The following VPS13B variants were observed in gnomAD, a reference collection of about 807,000 sequenced individuals.
VPS13B encodes the protein vacuolar protein sorting 13 homolog B.
VPS13B carries 285 observed loss-of-function variants against 426.4 expected under a neutral mutation model. The observed-to-expected ratio is 0.67, with a 90% CI of 0.61 to 0.74. The LOEUF is 0.74. Among genes scored for constraint, VPS13B ranks in the 30% least tolerant of loss-of-function variants. The pLI is 0.00. For missense variants in VPS13B, 4,537 were observed against 4,782.6 expected (o/e 0.95, Z 1.51); for synonymous variants, 1,676 against 1,676.4 (o/e 1.00, Z 0.01).
Position 99,876,365 on chromosome 8 carries a change from TGA to T in VPS13B, c.*700_*701del, listed in dbSNP as rs1286265405. On this transcript the variant is annotated 3_prime_UTR_variant, in exon 62 of 62. Coordinates refer to ENST00000357162, the MANE Select transcript of VPS13B (RefSeq NM_152564.5). ...CATTTTACTAAAATTTACAACAGTC[TGA>T]TGATTGATTGATTACTGTCCAGGTA... 6.1e-4 allele frequency: 59 copies of T among 96,506 alleles called. No homozygotes were observed. Among genetic ancestry groups the T allele is most frequent in the African/African-American group, 3.8e-3 (58 of 15,398 alleles). 6.0% of individuals were successfully genotyped at this position (96,506 alleles called of 1,614,324 possible).
Position 99,848,818 on chromosome 8 carries a change from G to C in VPS13B, c.9985G>C (p.Val3329Leu). The C allele has an allele frequency of 6.2e-7, 1 of 1,614,130 alleles. No individual in the cohort carries two copies. Among genetic ancestry groups the C allele is most frequent in the Non-Finnish European group, 8.5e-7 (1 of 1,180,006 alleles). ...TGFGYVYVDV[V>L]HQCGTVFITV... ...CTTTGGCTATGTGTATGTGGATGTT[G>C]TACATCAGTGTGGCACAGTCTTCAT... Residue 3329 changes from valine (V) to leucine (L), a missense_variant, in exon 55 of 62, where the codon GTA (valine) becomes CTA (leucine). By Grantham distance (32) the Val-to-Leu change is conservative. Transcript: ENST00000357162.
At chr8:99,384,899 G>A (rs529799164) in intron 20 of VPS13B, among the ~76,000 whole-genome samples, 1 of 152,244 alleles carries the variant, frequency 6.6e-6, no homozygotes, top group East Asian at 1.9e-4. Flanking sequence ...GGCTGGTCTT[G>A]AACTCCTGAC....
intron 17 of VPS13B, among the ~76,000 whole-genome samples, chr8:99,221,660 A>G (rs923930731): frequency 6.6e-6 from 1 of 152,136 alleles, no homozygotes; most frequent in Admixed American, 6.5e-5. Flanking sequence ...AACTTCTTTG[A>G]AATTTTTTTT....
At chr8:99,858,305 C>T (rs960792922) in intron 56 of VPS13B, among the ~76,000 whole-genome samples, 1 of 152,232 alleles carries the variant, frequency 6.6e-6, no homozygotes, top group African/African-American at 2.4e-5. Flanking sequence ...AAGGGCAGTG[C>T]CTGCCAGACT....
At chr8:99,670,247 T>C (rs1007491103) in intron 35 of VPS13B, among the ~76,000 whole-genome samples, 5 of 114,702 alleles carry the variant, frequency 4.4e-5, no homozygotes, top group African/African-American at 8.7e-5. Context: ...TTTTCTGGAG[T>C]AGAAAATGAG....
At chr8:99,450,823 A>C (rs922774314) in intron 23 of VPS13B, among the ~76,000 whole-genome samples, 1 of 152,104 alleles carries the variant, frequency 6.6e-6, no homozygotes, top group African/African-American at 2.4e-5. Flanking sequence ...TGGGATTCCA[A>C]ATTTCTATTA....
At chr8:99,858,947 C>T (rs1356074779) in intron 56 of VPS13B, among the ~76,000 whole-genome samples, 1 of 152,132 alleles carries the variant, frequency 6.6e-6, no homozygotes, top group East Asian at 1.9e-4. Flanking sequence ...TTAGAGAGAA[C>T]CTCCCACCTG....
chr8:99,806,287 C>A (rs1391135861), intron 43 of VPS13B, among the ~76,000 whole-genome samples: 1 of 152,194 alleles, frequency 6.6e-6, no homozygotes, highest in Admixed American at 6.5e-5. Context: ...GATGGTTAAC[C>A]TTGTCCCGAG....
At chr8:99,221,484 AT>A (rs1230464328) in intron 17 of VPS13B, among the ~76,000 whole-genome samples, 1 of 152,186 alleles carries the variant, frequency 6.6e-6, no homozygotes, top group Non-Finnish European at 1.5e-5. Context: ...AGAAATGTTA[AT>A]TTTTTTAAAA....
chr8:99,668,008 C>T (rs1386761336), intron 35 of VPS13B, among the ~76,000 whole-genome samples: 2 of 152,128 alleles, frequency 1.3e-5, no homozygotes, highest in Non-Finnish European at 2.9e-5. Context: ...AAAAGCACTA[C>T]AAGTAATACT....
At chr8:99,552,572 A>G (rs1588488163) in intron 30 of VPS13B, among the ~76,000 whole-genome samples, 1 of 146,388 alleles carries the variant, frequency 6.8e-6, no homozygotes, top group African/African-American at 2.5e-5. Context: ...GTTGGTTTTT[A>G]TTTTGTTTTT....
chr8:99,646,454 A>G (rs1829580209), intron 34 of VPS13B, among the ~76,000 whole-genome samples: 1 of 152,132 alleles, frequency 6.6e-6, no homozygotes, highest in Non-Finnish European at 1.5e-5. Flanking sequence ...GAGCCTGGGA[A>G]GTCAAGGCTG....
chr8:99,455,137 A>G (rs1818387237), intron 23 of VPS13B, among the ~76,000 whole-genome samples: 1 of 152,050 alleles, frequency 6.6e-6, no homozygotes, highest in Admixed American at 6.6e-5. Flanking sequence ...TTCTTTCTTT[A>G]ATGGATCAAG....
At chr8:99,750,787 G>A (rs1475801162) in intron 39 of VPS13B, among the ~76,000 whole-genome samples, 1 of 152,168 alleles carries the variant, frequency 6.6e-6, no homozygotes, top group African/African-American at 2.4e-5. Context: ...TACATGGGGT[G>A]TTTTGGGAAT....
chr8:99,188,288 T>C (rs1813336558), intron 16 of VPS13B, among the ~76,000 whole-genome samples: 1 of 152,178 alleles, frequency 6.6e-6, no homozygotes, highest in African/African-American at 2.4e-5. Flanking sequence ...AAAGAAATTC[T>C]GTCTCTATGA....
intron 19 of VPS13B, among the ~76,000 whole-genome samples, chr8:99,304,414 T>G (rs537967549): frequency 5.3e-5 from 8 of 152,264 alleles, no homozygotes; most frequent in African/African-American, 1.2e-4. Context: ...GTTTTGTTTT[T>G]TTTTTCATGG....
At chr8:99,345,897 A>C (rs1364540452) in intron 19 of VPS13B, among the ~76,000 whole-genome samples, 1 of 152,196 alleles carries the variant, frequency 6.6e-6, no homozygotes, top group Non-Finnish European at 1.5e-5. Context: ...GGCAGGGAGA[A>C]GTGTCTAGCC....
intron 19 of VPS13B, among the ~76,000 whole-genome samples, chr8:99,309,106 A>G (rs1440003015): frequency 2.5e-4 from 38 of 152,200 alleles, no homozygotes; most frequent in African/African-American, 8.0e-4. Context: ...AGTAGATTGC[A>G]AAAATTTTCT....
At chr8:99,260,960 A>AT (rs1444898499) in intron 17 of VPS13B, among the ~76,000 whole-genome samples, 6 of 151,834 alleles carry the variant, frequency 4.0e-5, no homozygotes, top group Non-Finnish European at 5.9e-5. Flanking sequence ...AAAAAACTTA[A>AT]TTTTTTTTAA....
Sources: allele counts gnomAD v4.1 joint callset (sites outside exome capture counted in the v4.1 genomes callset), GRCh38; gene constraint gnomAD v4.1.1; transcripts MANE v1.5; gene names NCBI Gene and HGNC (gene_info 2026-07-23, HGNC 2026-07-21).